Variants in PKHD1L1 observed in about 807,000 individuals in gnomAD.
PKHD1L1 encodes PKHD1 like 1.
A neutral mutation model predicts 462.9 loss-of-function variants in PKHD1L1; 434 were observed. The observed-to-expected ratio is 0.94, with a 90% confidence interval of 0.87 to 1.02. PKHD1L1 has a LOEUF of 1.02. PKHD1L1 is among the 50% of genes least tolerant of loss of function. PKHD1L1 has a pLI of 0.00. For synonymous variants in PKHD1L1, 1,781 were observed against 1,750.0 expected (o/e 1.02, Z -0.44); for missense variants, 5,202 against 5,096.1 (o/e 1.02, Z -0.63).
At position 109,443,687 on chromosome 8, in the gene PKHD1L1, A is replaced by G. The variant is rs766578180; in HGVS notation, c.4576A>G (p.Asn1526Asp). Residue 1526 changes from asparagine to aspartate, a missense_variant, in exon 37 of 78, where the codon AAT (asparagine) becomes GAT (aspartate). Around this residue, in one of 3 missense-constraint regions of PKHD1L1, gnomAD observed 4,497 missense variants for 4,336.8 expected, o/e 1.04. Coordinates refer to ENST00000378402, the MANE Select transcript of PKHD1L1 (RefSeq NM_177531.6). ...TCTTTTGTCTAAAGGAGGACCTGAG[A>G]ATTTGCACTTGGGAAGCTCTGTGGC... ...EATYAYGGPENLHLGSSVAGC... is the reference protein window; with the variant it reads ...EATYAYGGPEDLHLGSSVAGC... 3 of 1,611,686 alleles carry G rather than the reference A, an allele frequency of 1.9e-6. No individual in the cohort carries two copies. Among genetic ancestry groups the G allele is most frequent in the South Asian group, 2.2e-5 (2 of 90,656 alleles).
intron 56 of PKHD1L1, among the ~76,000 whole-genome samples, chr8:109,481,836 C>T (rs1818290382): frequency 6.6e-6 from 1 of 151,700 alleles, no homozygotes; most frequent in Non-Finnish European, 1.5e-5. Context: ...TATTACAAAA[C>T]TAATAGTAAC....
At chr8:109,400,931 G>T (rs907803412) in intron 13 of PKHD1L1, among the ~76,000 whole-genome samples, 23 of 151,614 alleles carry the variant, frequency 1.5e-4, no homozygotes, top group Admixed American at 1.3e-3. Flanking sequence ...CTCAACTTAT[G>T]TGGCAAGATT....
chr8:109,522,210 A>C lies in PKHD1L1; in HGVS notation c.12056A>C (p.Gln4019Pro), dbSNP rs1382297512. 1 of 1,603,872 alleles carries C rather than the reference A, an allele frequency of 6.2e-7. No individual in the cohort carries two copies. Among genetic ancestry groups the C allele is most frequent in the East Asian group, 2.2e-5 (1 of 44,702 alleles). Reference protein sequence around the residue: ...TTGQMQLSELQEIAGSLGQAV... With the variant: ...TTGQMQLSELPEIAGSLGQAV... ...GGTCAGATGCAGTTATCTGAACTCCAGGAAATTGCTGGTTCTCTTGGACAA... is the reference window on the plus strand; with the variant it reads ...GGTCAGATGCAGTTATCTGAACTCCCGGAAATTGCTGGTTCTCTTGGACAA... Residue 4019 changes from glutamine to proline, a missense_variant, in exon 74 of 78, where the codon CAG becomes CCG. Physicochemically the swap from Gln to Pro is moderately conservative, Grantham distance 76 (BLOSUM62 -1). Around this residue, in one of 3 missense-constraint regions of PKHD1L1, gnomAD observed 698 missense variants for 736.3 expected, o/e 0.95. Coordinates refer to ENST00000378402, the MANE Select transcript of PKHD1L1 (RefSeq NM_177531.6).
chr8:109,362,561 T>C lies in PKHD1L1; in HGVS notation c.-20T>C. ...CCAGCTGCGAGCGGAGGGCACCAACTCCGCAGAACTGGCTTTTCAATGGGA... is the reference window on the plus strand; with the variant it reads ...CCAGCTGCGAGCGGAGGGCACCAACCCCGCAGAACTGGCTTTTCAATGGGA... On this transcript the variant is annotated 5_prime_UTR_variant, in exon 1 of 78. Coordinates refer to ENST00000378402, the MANE Select transcript of PKHD1L1 (RefSeq NM_177531.6). The C allele has an allele frequency of 6.3e-7, 1 of 1,596,540 alleles. No individual in the cohort carries two copies. The highest frequency in any genetic ancestry group is 1.1e-5 in the South Asian group (1 of 87,872).
In PKHD1L1 at chr8:109,431,347, G is replaced by C. The variant is rs190200558; in HGVS notation, c.3229+1310G>C. Among the ~76,000 whole-genome samples, 257 of 152,206 alleles carry C rather than the reference G, an allele frequency of 1.7e-3. 1 individual carries two copies. The highest frequency in any genetic ancestry group is 5.9e-3 in the African/African-American group (247 of 41,532). Reference sequence around the variant, plus strand: ...TATTTTTCACTGAAAATTAACAGCTGTTAACATTGTGTCATATTTACTTCC... The same window carrying C: ...TATTTTTCACTGAAAATTAACAGCTCTTAACATTGTGTCATATTTACTTCC... On this transcript the variant is annotated intron_variant, in intron 27 of 77. Transcript: ENST00000378402.
At chr8:109,432,969 C>T (rs1815195581) in intron 27 of PKHD1L1, 137 bp from the exon 28 acceptor site, 1 of 601,582 alleles carries the variant, frequency 1.7e-6, no homozygotes, top group African/African-American at 1.9e-5. Context: ...GTGGATTTTT[C>T]TCCCTGCTCT....
chr8:109,530,948 G>C lies in PKHD1L1; in HGVS notation c.*858G>C, dbSNP rs145809229. Among the ~76,000 whole-genome samples, 4 of 152,254 alleles carry C rather than the reference G, an allele frequency of 2.6e-5. No homozygotes were observed. The East Asian group carries it at 7.7e-4, about 29-fold the overall frequency. ...AACTTATTTTCAAGAAGATAAATTA[G>C]AGAATGCAAAAAAGCTACAGACTAA... On this transcript the variant is annotated 3_prime_UTR_variant, in exon 78 of 78. Transcript: ENST00000378402.
rs1373144231 is a variant in PKHD1L1, at chr8:109,535,807, C to T, written c.*5717C>T. Among the ~76,000 whole-genome samples, 1 of 152,112 alleles carries T rather than the reference C, an allele frequency of 6.6e-6. No individual in the cohort carries two copies. The highest frequency in any genetic ancestry group is 1.5e-5 in the Non-Finnish European group (1 of 68,010). On this transcript the variant is annotated 3_prime_UTR_variant, in exon 78 of 78. Transcript: ENST00000378402. ...CAGATCATTTTGATATCCAGATGTGCTGAAATGATGGACACTGAGAAGAAA... is the reference window on the plus strand; with the variant it reads ...CAGATCATTTTGATATCCAGATGTGTTGAAATGATGGACACTGAGAAGAAA...
chr8:109,407,796 T>A (rs1215909181), intron 17 of PKHD1L1, among the ~76,000 whole-genome samples: 1 of 152,206 alleles, frequency 6.6e-6, no homozygotes. Context: ...CAATACTTCC[T>A]TTTAAGCTAT....
At chr8:109,412,822 G>A (rs983524912) in intron 20 of PKHD1L1, among the ~76,000 whole-genome samples, 1 of 152,070 alleles carries the variant, frequency 6.6e-6, no homozygotes, top group Non-Finnish European at 1.5e-5. Flanking sequence ...TAGGAGCAGA[G>A]GAGATGGCAG....
In PKHD1L1 at chr8:109,382,652, T is replaced by G. The variant is rs1317149519; in HGVS notation, c.417+81T>G. 2.9e-6 allele frequency: 3 copies of G among 1,038,684 alleles called. No individual in the cohort carries two copies. The African/African-American group carries it at 4.9e-5, about 17-fold the overall frequency. The allele number at this position is 1,038,684 out of a possible 1,614,324, so 64.3% of individuals were successfully genotyped here. Reference sequence around the variant, plus strand: ...CAGAACTGAATTTTTCCTTTTTAGTTTTATAGACTATTTCCACATTTAAAA... The same window carrying G: ...CAGAACTGAATTTTTCCTTTTTAGTGTTATAGACTATTTCCACATTTAAAA... On this transcript the variant is annotated intron_variant, in intron 4 of 77. Transcript: ENST00000378402.
intron 21 of PKHD1L1, among the ~76,000 whole-genome samples, chr8:109,415,919 T>A (rs1232023374): frequency 1.4e-5 from 2 of 146,994 alleles, no homozygotes; most frequent in Admixed American, 6.7e-5. Flanking sequence ...GAAATCATAG[T>A]CTTCCGTTTT....
intron 2 of PKHD1L1, among the ~76,000 whole-genome samples, chr8:109,372,535 C>T (rs1389380848): frequency 1.3e-5 from 2 of 152,170 alleles, no homozygotes; most frequent in Admixed American, 1.3e-4. Context: ...GAACTTCCAA[C>T]ACTATATTGA....
chr8:109,383,362 T>G (rs1404784771), intron 4 of PKHD1L1, among the ~76,000 whole-genome samples: 1 of 113,504 alleles, frequency 8.8e-6, no homozygotes, highest in African/African-American at 3.5e-5. Flanking sequence ...TTATATATTA[T>G]AATATATTAT....
In PKHD1L1 at chr8:109,442,188, T is replaced by C. The variant is rs766264286; in HGVS notation, c.4386T>C (p.Ser1462=). The C allele has an allele frequency of 4.3e-6, 7 of 1,609,608 alleles. No homozygotes were observed. The highest frequency in any genetic ancestry group is 1.8e-4 in the Middle Eastern group (1 of 5,488). ...GATTCACAAGTGGAAGACAAAAATC[T>C]ACATCAGGTATGTTTCTGCTTATTG... ...GKGFTSGRQK[S]TSGSFSYQFT... is the part of the protein sequence containing the mutation. Residue 1462 remains serine, a synonymous_variant, in exon 35 of 78, where the codon TCT becomes TCC. Coordinates refer to ENST00000378402, the MANE Select transcript of PKHD1L1 (RefSeq NM_177531.6).
intron 38 of PKHD1L1, among the ~76,000 whole-genome samples, chr8:109,447,391 C>A (rs552234406): frequency 6.6e-6 from 1 of 152,206 alleles, no homozygotes; most frequent in East Asian, 1.9e-4. Context: ...CAAATTACTA[C>A]TTGAGGGCAC....
intron 50 of PKHD1L1, among the ~76,000 whole-genome samples, chr8:109,469,343 TGAA>T (rs1392108037): frequency 6.6e-6 from 1 of 152,120 alleles, no homozygotes; most frequent in East Asian, 1.9e-4. Context: ...CAGAGCTGTA[TGAA>T]GAAGGCTGCC....
At position 109,464,343 on chromosome 8, in the gene PKHD1L1, C is replaced by A. The variant is rs756065584; in HGVS notation, c.7511C>A (p.Thr2504Asn). 2 of 1,613,110 alleles carry A rather than the reference C, an allele frequency of 1.2e-6. No individual in the cohort carries two copies. Among genetic ancestry groups the A allele is most frequent in the South Asian group, 2.2e-5 (2 of 91,022 alleles). The stretch of plus-strand genomic sequence containing the variant: ...CACCAGGCCTATAACAGAGCTGTTA[C>A]TATTCATAACACACACCATCTTCTG... Reference protein sequence around the residue: ...AIHQAYNRAVTIHNTHHLLVE... With the variant: ...AIHQAYNRAVNIHNTHHLLVE... Residue 2504 changes from threonine (T) to asparagine (N), a missense_variant, in exon 49 of 78, where the codon ACT becomes AAT. Thr to Asn is a moderately conservative substitution (Grantham distance 65). Around this residue, in one of 3 missense-constraint regions of PKHD1L1, gnomAD observed 4,497 missense variants for 4,336.8 expected, o/e 1.04. Transcript: ENST00000378402.
chr8:109,439,255 A>G (rs957201815), intron 32 of PKHD1L1, among the ~76,000 whole-genome samples, 163 bp downstream of exon 32: 11 of 152,170 alleles, frequency 7.2e-5, no homozygotes, highest in African/African-American at 2.4e-4. Context: ...TACAACTGCA[A>G]TATGACGCAT....
Sources: gnomAD v4.1 joint callset for allele counts (sites outside exome capture counted in the v4.1 genomes callset) on GRCh38, gnomAD v4.1.1 for gene constraint, gnomAD v4.1.1 regional missense constraint, MANE v1.5 for transcripts, NCBI Gene and HGNC (gene_info 2026-07-23, HGNC 2026-07-21) for gene names.